NRG3: variants seen among roughly 807,000 people sequenced by gnomAD.
NRG3 encodes the protein pro-neuregulin-3, membrane-bound isoform.
In NRG3, 31 loss-of-function variants were observed where a neutral mutation model predicts 66.9. The ratio of observed to expected loss-of-function variants is 0.46; its 90% CI spans 0.35 to 0.63. The LOEUF (loss-of-function observed/expected upper bound fraction) is 0.63. Ranked by LOEUF, NRG3 falls within the 20% of genes least tolerant of loss-of-function variation. The pLI is 0.00. For missense variants in NRG3, 910 were observed against 878.9 expected (o/e 1.04, Z -0.45); for synonymous variants, 393 against 359.4 (o/e 1.09, Z -1.06).
At chr10:82,466,224 C>G (rs1363517638) in intron 2 of NRG3, among the ~76,000 whole-genome samples, 1 of 152,040 alleles carries the variant, frequency 6.6e-6, no homozygotes, top group South Asian at 2.1e-4. Context: ...CTCTGACTGC[C>G]CTTGGAATAA....
chr10:82,806,642 G>GT (rs1159358741), intron 3 of NRG3, among the ~76,000 whole-genome samples: 1 of 152,182 alleles, frequency 6.6e-6, no homozygotes, highest in Non-Finnish European at 1.5e-5. Context: ...GCATCTAGGA[G>GT]TTGTCATGTA....
chr10:82,804,492 C>G (rs2061192245), intron 3 of NRG3, among the ~76,000 whole-genome samples: 1 of 152,156 alleles, frequency 6.6e-6, no homozygotes, highest in Admixed American at 6.5e-5. Context: ...CTGGCATCCA[C>G]AGGGGGTCGA....
chr10:82,813,413 C>T (rs1397904931), intron 3 of NRG3, among the ~76,000 whole-genome samples: 2 of 151,818 alleles, frequency 1.3e-5, no homozygotes, highest in Non-Finnish European at 2.9e-5. Flanking sequence ...GAGGTTTCAC[C>T]ATGTTGGCCA....
intron 1 of NRG3, among the ~76,000 whole-genome samples, chr10:82,028,168 G>A (rs2062403031): frequency 6.6e-6 from 1 of 152,076 alleles, no homozygotes; most frequent in Non-Finnish European, 1.5e-5. Context: ...AAACATGGAT[G>A]CAATGTCTGG....
chr10:82,669,248 G>GTAA (rs5786560), intron 2 of NRG3, among the ~76,000 whole-genome samples: 8,289 of 142,908 alleles, frequency 0.058, 235 homozygotes, highest in African/African-American at 0.074. Flanking sequence ...ATTTATGATG[G>GTAA]TAATAATAAT....
chr10:82,085,083 G>A (rs41412145), intron 1 of NRG3, among the ~76,000 whole-genome samples: 7,194 of 152,204 alleles, frequency 0.047, 241 homozygotes, highest in Non-Finnish European at 0.077. Context: ...CAAAGCACTC[G>A]CTATTACAAA....
At position 82,023,367 on chromosome 10, in the gene NRG3, G is replaced by T. The variant is rs1364716962; in HGVS notation, c.823+147204G>T. 3.3e-5 allele frequency among the ~76,000 whole-genome samples: 5 copies of T among 152,020 alleles called. No individual in the cohort carries two copies. In the East Asian group the frequency reaches 9.7e-4, roughly 29 times the overall value. The stretch of plus-strand genomic sequence containing the variant: ...CTTTATTTCTTTCCCTTGCCCAATT[G>T]TGCTGGCTGGAACTTCTGGTGCTAT... On this transcript the variant is annotated intron_variant, in intron 1 of 8. Coordinates refer to ENST00000372141, the MANE Select transcript of NRG3 (RefSeq NM_001010848.4).
chr10:82,927,438 G>A (rs1462538454), intron 4 of NRG3, among the ~76,000 whole-genome samples: 1 of 152,078 alleles, frequency 6.6e-6, no homozygotes, highest in Non-Finnish European at 1.5e-5. Context: ...GGCTATGGTG[G>A]TTTGCTGCAC....
chr10:82,368,600 A>G (rs916643338), intron 2 of NRG3, among the ~76,000 whole-genome samples: 1 of 137,816 alleles, frequency 7.3e-6, no homozygotes, highest in Non-Finnish European at 1.5e-5. Flanking sequence ...CTGCCTCACC[A>G]GGCACCTGCT....
At chr10:82,149,130 C>T (rs1488694699) in intron 1 of NRG3, among the ~76,000 whole-genome samples, 2 of 151,636 alleles carry the variant, frequency 1.3e-5, no homozygotes, top group East Asian at 3.9e-4. Flanking sequence ...AAAAATAATT[C>T]AGTTGCCTAG....
chr10:82,933,053 A>G (rs1847731872), intron 4 of NRG3, among the ~76,000 whole-genome samples: 1 of 152,080 alleles, frequency 6.6e-6, no homozygotes, highest in African/African-American at 2.4e-5. Flanking sequence ...GTGAAAAAAG[A>G]TTCTTAGCTA....
intron 2 of NRG3, among the ~76,000 whole-genome samples, chr10:82,694,506 G>C (rs2055214825): frequency 6.6e-6 from 1 of 152,158 alleles, no homozygotes; most frequent in African/African-American, 2.4e-5. Context: ...TGTAATCCCA[G>C]CTCTTTGGGA....
intron 1 of NRG3, among the ~76,000 whole-genome samples, chr10:82,166,031 A>C (rs529898959): frequency 1.3e-5 from 2 of 150,224 alleles, no homozygotes; most frequent in African/African-American, 4.9e-5. Flanking sequence ...TTTATTATTA[A>C]TTTTTTTTGT....
In NRG3 at chr10:82,791,044, G is replaced by A. The variant is rs796948317; in HGVS notation, c.1027+52394G>A. On this transcript the variant is annotated intron_variant, in intron 3 of 8. Coordinates refer to ENST00000372141, the MANE Select transcript of NRG3 (RefSeq NM_001010848.4). Reference sequence around the variant, plus strand: ...GTTCAACATATTATGATACGTTAAAGTATGTTTAACTGACTTAAAGTTTTT... The same window carrying A: ...GTTCAACATATTATGATACGTTAAAATATGTTTAACTGACTTAAAGTTTTT... 8.6e-5 allele frequency among the ~76,000 whole-genome samples: 13 copies of A among 151,952 alleles called. No homozygotes were observed. In the South Asian group the frequency reaches 2.7e-3, roughly 31 times the overall value.
At chr10:82,804,594 C>A (rs574562622) in intron 3 of NRG3, among the ~76,000 whole-genome samples, 1 of 152,252 alleles carries the variant, frequency 6.6e-6, no homozygotes, top group African/African-American at 2.4e-5. Context: ...ATGAGAAAAT[C>A]AATTATCTTC....
chr10:81,993,374 T>A (rs866376224), intron 1 of NRG3, among the ~76,000 whole-genome samples: 1 of 152,130 alleles, frequency 6.6e-6, no homozygotes, highest in South Asian at 2.1e-4. Flanking sequence ...TGAGACAGGG[T>A]CTTGCTCTCT....
At chr10:82,655,554 C>T (rs12240611) in intron 2 of NRG3, among the ~76,000 whole-genome samples, 1,850 of 152,232 alleles carry the variant, frequency 0.012, 34 homozygotes, top group African/African-American at 0.042. Flanking sequence ...CCCTCCTCTA[C>T]TCTGGGAAAG....
At chr10:82,616,911 A>T (rs1343574262) in intron 2 of NRG3, among the ~76,000 whole-genome samples, 1 of 152,204 alleles carries the variant, frequency 6.6e-6, no homozygotes, top group African/African-American at 2.4e-5. Context: ...GTGTTTCATA[A>T]GGCAGGAATT....
chr10:82,210,506 G>A (rs924684430), intron 1 of NRG3, among the ~76,000 whole-genome samples: 17 of 152,150 alleles, frequency 1.1e-4, no homozygotes, highest in African/African-American at 3.1e-4. Context: ...TGGGTTGTGC[G>A]AAAGAGAAGA....
Sources: gnomAD v4.1 joint callset for allele counts (sites outside exome capture counted in the v4.1 genomes callset) on GRCh38, gnomAD v4.1.1 for gene constraint, MANE v1.5 for transcripts, NCBI Gene and HGNC (gene_info 2026-07-23, HGNC 2026-07-21) for gene names.